CDKAL1: variants seen among roughly 807,000 people sequenced by gnomAD.
CDKAL1 encodes the protein threonylcarbamoyladenosine tRNA methylthiotransferase.
In CDKAL1, 32 loss-of-function variants were observed where a neutral mutation model predicts 68.2. The observed-to-expected ratio is 0.47, with a 90% CI of 0.35 to 0.63. CDKAL1 has a LOEUF of 0.63. CDKAL1 is among the 30% of genes least tolerant of loss of function. The pLI, the probability that CDKAL1 is intolerant of heterozygous loss-of-function variation, is 0.00. For missense variants in CDKAL1, 606 were observed against 696.7 expected, an observed-to-expected ratio of 0.87 and a Z score of 1.47; for synonymous variants, 234 against 244.3, an observed-to-expected ratio of 0.96 and a Z score of 0.39.
At chr6:20,816,053 T>C (rs866211493) in intron 8 of CDKAL1, among the ~76,000 whole-genome samples, 1 of 152,252 alleles carries the variant, frequency 6.6e-6, no homozygotes, top group Middle Eastern at 3.4e-3. Flanking sequence ...TTGGTGATCC[T>C]TGGCTTTGGC....
chr6:20,828,610 T>C (rs1373965203), intron 8 of CDKAL1, among the ~76,000 whole-genome samples: 1 of 152,202 alleles, frequency 6.6e-6, no homozygotes, highest in Admixed American at 6.6e-5. Context: ...ATTGGTGAAC[T>C]GTTGGAATTG....
chr6:20,829,600 G>T (rs1777631013), intron 8 of CDKAL1, among the ~76,000 whole-genome samples: 1 of 152,166 alleles, frequency 6.6e-6, no homozygotes, highest in African/African-American at 2.4e-5. Context: ...GCAAAATCTT[G>T]TGTGCAGGAA....
intron 11 of CDKAL1, among the ~76,000 whole-genome samples, chr6:21,053,507 A>G (rs1003752403): frequency 6.6e-6 from 1 of 152,238 alleles, no homozygotes; most frequent in Non-Finnish European, 1.5e-5. Flanking sequence ...GCTGGGTCAC[A>G]GTAAGTGTAT....
At chr6:20,838,770 C>T (rs1475636964) in intron 8 of CDKAL1, among the ~76,000 whole-genome samples, 1 of 152,004 alleles carries the variant, frequency 6.6e-6, no homozygotes, top group Non-Finnish European at 1.5e-5. Context: ...GTCAGGAGAT[C>T]GAGACCATCC....
chr6:20,979,125 T>C (rs1030284621), intron 10 of CDKAL1, among the ~76,000 whole-genome samples: 1 of 152,212 alleles, frequency 6.6e-6, no homozygotes, highest in Admixed American at 6.5e-5. Context: ...ATAAACAATC[T>C]AGAGTTGAGG....
intron 7 of CDKAL1, among the ~76,000 whole-genome samples, chr6:20,760,229 C>G (rs1403746928): frequency 6.6e-6 from 1 of 152,120 alleles, no homozygotes; most frequent in African/African-American, 2.4e-5. Flanking sequence ...ATCCACCCAC[C>G]TTGGCCTCCA....
intron 13 of CDKAL1, chr6:21,135,711 T>C (rs1775557901): frequency 1.0e-6 from 1 of 984,840 alleles, no homozygotes; most frequent in African/African-American, 1.7e-5. Context: ...GGGACAGGAC[T>C]GAAAGGGAAG....
intron 9 of CDKAL1, among the ~76,000 whole-genome samples, chr6:20,869,071 C>T (rs1202398002): frequency 6.6e-6 from 1 of 152,120 alleles, no homozygotes; most frequent in Non-Finnish European, 1.5e-5. Context: ...TTCTTCTGTC[C>T]CCTAAGTCTG....
intron 4 of CDKAL1, among the ~76,000 whole-genome samples, chr6:20,602,314 A>C (rs1028122441): frequency 8.5e-5 from 13 of 152,138 alleles, no homozygotes; most frequent in Non-Finnish European, 5.9e-5. Flanking sequence ...GTCAGCTCTC[A>C]TGTCCAGTGA....
At chr6:20,582,213 A>T (rs1370903606) in intron 4 of CDKAL1, among the ~76,000 whole-genome samples, 1 of 152,150 alleles carries the variant, frequency 6.6e-6, no homozygotes, top group Non-Finnish European at 1.5e-5. Flanking sequence ...GGATACAATT[A>T]AAAAATAGAA....
At chr6:20,538,230 CTT>C (rs551140905) in intron 2 of CDKAL1, among the ~76,000 whole-genome samples, 8 of 143,902 alleles carry the variant, frequency 5.6e-5, no homozygotes, top group Admixed American at 2.1e-4. Flanking sequence ...ATTCTTTCCT[CTT>C]TTTTTTTTTT....
At chr6:21,196,164 G>T (rs912063400) in intron 13 of CDKAL1, among the ~76,000 whole-genome samples, 3 of 152,212 alleles carry the variant, frequency 2.0e-5, no homozygotes, top group African/African-American at 7.2e-5. Context: ...ATAGTTTTCA[G>T]TGGCTCTACA....
intron 8 of CDKAL1, among the ~76,000 whole-genome samples, chr6:20,835,134 G>A (rs1196979112): frequency 6.6e-6 from 1 of 152,170 alleles, no homozygotes; most frequent in African/African-American, 2.4e-5. Flanking sequence ...AGAGGGTTTA[G>A]AGGGAGAGGT....
At chr6:21,116,002 C>A (rs1774390007) in intron 13 of CDKAL1, among the ~76,000 whole-genome samples, 2 of 152,132 alleles carry the variant, frequency 1.3e-5, no homozygotes, top group South Asian at 4.1e-4. Flanking sequence ...CAACCTAATC[C>A]AAAGGCATTT....
chr6:21,079,951 T>C (rs1450346696), intron 12 of CDKAL1, among the ~76,000 whole-genome samples: 1 of 145,768 alleles, frequency 6.9e-6, no homozygotes, highest in East Asian at 2.0e-4. Flanking sequence ...CTAAGCACCA[T>C]AAGATAAGCT....
chr6:20,920,917 A>T (rs1762924871), intron 9 of CDKAL1, among the ~76,000 whole-genome samples: 2 of 152,178 alleles, frequency 1.3e-5, no homozygotes, highest in Admixed American at 1.3e-4. Flanking sequence ...TAACTGCTAA[A>T]TGTGCATGTC....
intron 5 of CDKAL1, among the ~76,000 whole-genome samples, chr6:20,720,517 CT>C (rs1265651545): frequency 6.6e-6 from 1 of 152,132 alleles, no homozygotes; most frequent in Non-Finnish European, 1.5e-5. Flanking sequence ...TGTTATCTGT[CT>C]TTCTTTACTC....
chr6:21,200,644 G>T (rs973046883), intron 14 of CDKAL1, among the ~76,000 whole-genome samples: 4 of 152,192 alleles, frequency 2.6e-5, no homozygotes, highest in Non-Finnish European at 5.9e-5. Context: ...GATATCAAAG[G>T]CCTGTCCAGA....
intron 4 of CDKAL1, among the ~76,000 whole-genome samples, chr6:20,588,267 A>C (rs1485766058): frequency 6.6e-6 from 1 of 152,172 alleles, no homozygotes; most frequent in Non-Finnish European, 1.5e-5. Flanking sequence ...AGGTGTTCTC[A>C]ATGTTGAGTG....
Sources: allele counts gnomAD v4.1 joint callset (sites outside exome capture counted in the v4.1 genomes callset), GRCh38; gene constraint gnomAD v4.1.1; transcripts MANE v1.5; gene names NCBI Gene and HGNC (gene_info 2026-07-23, HGNC 2026-07-21).